Variants in GFAP observed in about 807,000 individuals in gnomAD.
GFAP encodes intermediate filament protein.
In GFAP, 38 loss-of-function variants were observed where a neutral mutation model predicts 49.3. That is an observed-to-expected ratio of 0.77 (90% CI 0.60 to 1.01). The LOEUF (loss-of-function observed/expected upper bound fraction) is 1.01, where lower values mean the gene tolerates loss of function less well. Among genes scored for constraint, GFAP ranks in the 50% least tolerant of loss-of-function variants. The pLI is 0.00. For synonymous variants in GFAP, 222 were observed against 236.4 expected (o/e 0.94, Z 0.56); for missense variants, 463 against 579.1 (o/e 0.80, Z 2.06).
chr17:44,908,051 A>G lies in GFAP; in HGVS notation c.1257+13T>C, dbSNP rs757672479. 2 of 1,592,062 alleles carry G rather than the reference A, an allele frequency of 1.3e-6. No individual in the cohort carries two copies. The highest frequency in any genetic ancestry group is 1.7e-5 in the Admixed American group (1 of 59,944). Reference sequence around the variant, plus strand: ...GCCAGCCAGAGCCTGACTGGGCCCAAATCCCTCCTTACCTCTCCATCCCGC... The same window carrying G: ...GCCAGCCAGAGCCTGACTGGGCCCAGATCCCTCCTTACCTCTCCATCCCGC... On this transcript the variant is annotated intron_variant, in intron 8 of 8. Coordinates refer to ENST00000588735, the MANE Select transcript of GFAP (RefSeq NM_002055.5).
At chr17:44,910,735 A>C in intron 6 of GFAP, 77 bp from the exon 7 acceptor site, 1 of 1,545,398 alleles carries the variant, frequency 6.5e-7, no homozygotes, top group East Asian at 2.4e-5. Flanking sequence ...CGGGGCCATC[A>C]TGACAACTTG....
Position 44,904,368 on chromosome 17 carries a change from G to T in GFAP, c.*2979C>A. ...TTCTGGGAATGGACCCCCTGTGACC[G>T]CTGCGGAGTGCGTGGGGAGCAGTGG... On this transcript the variant is annotated 3_prime_UTR_variant, in exon 9 of 9. Transcript: ENST00000588735. 1.3e-6 allele frequency: 2 copies of T among 1,543,276 alleles called. No homozygotes were observed. Among genetic ancestry groups the T allele is most frequent in the South Asian group, 1.2e-5 (1 of 83,510 alleles).
rs369986771 is a variant in GFAP at position 44,910,116 on chromosome 17, C to T, written c.1171+499G>A. ...CTCCCTGTCAAGCTGGGCAAAGCGC[C>T]GTGTCTGAGAGGCAGGCAGCTAACC... is the stretch of plus-strand genomic sequence containing the variant. On this transcript the variant is annotated intron_variant, in intron 7 of 8. Coordinates refer to ENST00000588735, the MANE Select transcript of GFAP (RefSeq NM_002055.5). 24 of 1,613,860 alleles carry T rather than the reference C, an allele frequency of 1.5e-5. No individual in the cohort carries two copies. In the East Asian group the frequency reaches 2.5e-4, roughly 16 times the overall value.
chr17:44,904,373 G>A lies in GFAP; in HGVS notation c.*2974C>T, dbSNP rs905239461. On this transcript the variant is annotated 3_prime_UTR_variant, in exon 9 of 9. Transcript: ENST00000588735. ...GGAATGGACCCCCTGTGACCGCTGC[G>A]GAGTGCGTGGGGAGCAGTGGCGCAT... 22 of 1,543,466 alleles carry A rather than the reference G, an allele frequency of 1.4e-5. No individual in the cohort carries two copies. The highest frequency in any genetic ancestry group is 1.7e-4 in the Middle Eastern group (1 of 5,988).
In GFAP at chr17:44,913,388, G is replaced by A. The variant is rs367556939; in HGVS notation, c.661C>T (p.His221Tyr). Residue 221 changes from histidine (H) to tyrosine (Y), a missense_variant, in exon 4 of 9, where the codon CAT becomes TAT. His to Tyr is a moderately conservative substitution (Grantham distance 83). Coordinates refer to ENST00000588735, the MANE Select transcript of GFAP (RefSeq NM_002055.5). The part of the protein sequence containing the change: ...LQEQLARQQV[H>Y]VELDVAKPDL... ...GGCTTGGCCACGTCAAGCTCCACAT[G>A]GACCTGCTGTCGGGCCAGCTGCTCC... 1.9e-6 allele frequency: 3 copies of A among 1,614,050 alleles called. No homozygotes were observed. The highest frequency in any genetic ancestry group is 2.7e-5 in the African/African-American group (2 of 74,942).
At position 44,904,927 on chromosome 17, in the gene GFAP, A is replaced by G; in HGVS notation, c.*2420T>C. 6.4e-7 allele frequency: 1 copy of G among 1,550,634 alleles called. No individual in the cohort carries two copies. The highest frequency in any genetic ancestry group is 8.7e-7 in the Non-Finnish European group (1 of 1,146,988). Reference sequence around the variant, plus strand: ...GTGTGACATCTCATGGGCACTACCCAGCCTCGTTCTCAGATCCTGAGACTC... The same window carrying G: ...GTGTGACATCTCATGGGCACTACCCGGCCTCGTTCTCAGATCCTGAGACTC... On this transcript the variant is annotated 3_prime_UTR_variant, in exon 9 of 9. Transcript: ENST00000588735.
At chr17:44,909,815 A>G in intron 7 of GFAP, 1 of 1,184,310 alleles carries the variant, frequency 8.4e-7, no homozygotes, top group Non-Finnish European at 1.1e-6. Flanking sequence ...CCTGGCGTCC[A>G]GGCACAGCGA....
chr17:44,910,979 G>A, intron 6 of GFAP: 1 of 606,822 alleles, frequency 1.6e-6, no homozygotes, highest in Non-Finnish European at 2.9e-6. Flanking sequence ...AAGATGGGGA[G>A]TATGCCTCTT....
chr17:44,914,385 G>A (rs937949600), intron 1 of GFAP: 21 of 412,668 alleles, frequency 5.1e-5, no homozygotes, highest in African/African-American at 8.2e-5. Flanking sequence ...ACACACACAC[G>A]CACATGTCCT....
intron 7 of GFAP, chr17:44,909,999 T>C (rs1405401721): frequency 6.5e-6 from 10 of 1,539,978 alleles, no homozygotes; most frequent in Middle Eastern, 4.5e-4. Flanking sequence ...GGCACTGCAG[T>C]TCCTGGGAAA....
Position 44,911,438 on chromosome 17 carries a change from G to A in GFAP, c.925C>T (p.Gln309Ter), listed in dbSNP as rs1459530550. The part of the protein sequence containing the change: ...LRGTNESLER[Q>*]MREQEERHVR... The stretch of plus-strand genomic sequence containing the variant: ...TGCCGCTCCTCCTGCTCGCGCATCT[G>A]CCTCTCCAGGGACTCGTTCTGTGGG... Residue 309 changes from glutamine to a stop codon, truncating the protein, a stop_gained, in exon 6 of 9, where the codon CAG (glutamine) becomes TAG (stop). Coordinates refer to ENST00000588735, the MANE Select transcript of GFAP (RefSeq NM_002055.5). LOFTEE classifies it high-confidence loss of function. The A allele has an allele frequency of 1.9e-6, 3 of 1,609,652 alleles. No individual in the cohort carries two copies. Among genetic ancestry groups the A allele is most frequent in the South Asian group, 1.1e-5 (1 of 90,726 alleles).
chr17:44,911,244 C>T lies in GFAP; in HGVS notation c.1119G>A (p.Glu373=). 6.2e-7 allele frequency: 1 copy of T among 1,613,844 alleles called. No individual in the cohort carries two copies. The highest frequency in any genetic ancestry group is 8.5e-7 in the Non-Finnish European group (1 of 1,179,836). The stretch of plus-strand genomic sequence containing the variant: ...CTGTGATGAGGGCTCACCGGTTCTC[C>T]TCGCCCTCTAGCAGCTTCCTGTAGG... The part of the protein sequence containing the change: ...IATYRKLLEG[E]ENRITIPVQT... Residue 373 remains glutamate (E), a synonymous_variant, in exon 6 of 9, where the codon GAG becomes GAA. Transcript: ENST00000588735.
intron 7 of GFAP, chr17:44,909,810 C>T (rs1427175642): frequency 7.7e-6 from 9 of 1,168,202 alleles, no homozygotes; most frequent in African/African-American, 6.3e-5. Context: ...GAGAGCCTGG[C>T]GTCCAGGCAC....
rs1214764472 is a variant in GFAP, at chr17:44,903,655, T to C, written c.*3692A>G. On this transcript the variant is annotated 3_prime_UTR_variant, in exon 9 of 9. Coordinates refer to ENST00000588735, the MANE Select transcript of GFAP (RefSeq NM_002055.5). ...TTAGAAGGGCATCTTGTACATCCAC[T>C]GGGAATAAATTGCCTTGCACTTGGC... The C allele has an allele frequency of 1.5e-5, 22 of 1,433,454 alleles. No individual in the cohort carries two copies. The highest frequency in any genetic ancestry group is 2.0e-5 in the Non-Finnish European group (22 of 1,100,040). 88.8% of individuals were successfully genotyped at this position (1,433,454 alleles called of 1,614,324 possible). A position where few individuals can be genotyped will look rare whatever the true frequency, so the allele number is the denominator to read the frequency against.
At chr17:44,911,919 C>A in intron 4 of GFAP, 122 bp from the exon 5 acceptor site, 3 of 1,131,672 alleles carry the variant, frequency 2.7e-6, no homozygotes, top group Non-Finnish European at 3.8e-6. Flanking sequence ...TGGGACTTTT[C>A]CCAACAACTG....
In GFAP at chr17:44,904,241, G is replaced by T. The variant is rs772716058; in HGVS notation, c.*3106C>A. ...GGGGGACTACTTTTACGCCTACGAT[G>T]TGGACATCCAGAACAGTGAGGGAAT... On this transcript the variant is annotated 3_prime_UTR_variant, in exon 9 of 9. Transcript: ENST00000588735. 100 of 1,550,458 alleles carry T rather than the reference G, an allele frequency of 6.4e-5. No individual in the cohort carries two copies. The highest frequency in any genetic ancestry group is 8.3e-5 in the Non-Finnish European group (95 of 1,147,020).
chr17:44,904,053 A>G lies in GFAP; in HGVS notation c.*3294T>C, dbSNP rs1211023648. 6.4e-7 allele frequency: 1 copy of G among 1,550,660 alleles called. No individual in the cohort carries two copies. Among genetic ancestry groups the G allele is most frequent in the Non-Finnish European group, 8.7e-7 (1 of 1,147,008 alleles). ...TACCAAAAGCACCTAGGTAGCAGCC[A>G]CACCAAAGTGCTGACGGACTTTGAT... On this transcript the variant is annotated 3_prime_UTR_variant, in exon 9 of 9. Coordinates refer to ENST00000588735, the MANE Select transcript of GFAP (RefSeq NM_002055.5).
chr17:44,913,159 C>A, intron 4 of GFAP, 110 bp downstream of exon 4: 1 of 1,088,364 alleles, frequency 9.2e-7, no homozygotes, highest in Non-Finnish European at 1.4e-6. Flanking sequence ...GAAAGTCAGT[C>A]ACCTGGAGAG....
chr17:44,915,341 C>T lies in GFAP; in HGVS notation c.146G>A (p.Arg49Gln), dbSNP rs747417926. ...LARMPPPLPT[R>Q]VDFSLAGALN... ...TGCCCCAGCCAGGGAGAAATCCACC[C>T]GGGTCGGGAGTGGAGGGGGCATTCG... The change falls in exon 1 of 9, where the codon CGG becomes CAG. Residue 49 changes from arginine (R) to glutamine (Q), a missense_variant. This residue lies in a region of GFAP where 89 missense variants were observed against 87.5 expected (regional missense o/e 1.02). Transcript: ENST00000588735. This position sits in a 1 kb window ranked among gnomAD's most constrained non-coding sequence, Gnocchi z 4.1. 1.4e-5 allele frequency: 23 copies of T among 1,612,902 alleles called. No individual in the cohort carries two copies. Among genetic ancestry groups the T allele is most frequent in the Non-Finnish European group, 1.8e-5 (21 of 1,179,248 alleles).
Sources: allele counts gnomAD v4.1 joint callset, GRCh38; gene constraint gnomAD v4.1.1; regional missense constraint gnomAD v4.1.1; non-coding constraint Gnocchi (gnomAD v3.1); transcripts MANE v1.5; gene names NCBI Gene and HGNC (gene_info 2026-07-23, HGNC 2026-07-21).